CNTNAP2: variants seen among roughly 807,000 people sequenced by gnomAD.
CNTNAP2 encodes the protein contactin associated protein 2.
A neutral mutation model predicts 155.2 loss-of-function variants in CNTNAP2; 98 were observed. That is an observed-to-expected ratio of 0.63 (90% CI 0.54 to 0.75). The LOEUF is 0.75. Ranked by LOEUF, CNTNAP2 falls within the 30% of genes least tolerant of loss-of-function variation. The pLI, the probability that CNTNAP2 is intolerant of heterozygous loss-of-function variation, is 0.00. For synonymous variants in CNTNAP2, 651 were observed against 631.2 expected, an observed-to-expected ratio of 1.03 and a Z score of -0.47; for missense variants, 1,727 against 1,688.1, an observed-to-expected ratio of 1.02 and a Z score of -0.40.
At chr7:146,167,734 C>T (rs981335075) in intron 1 of CNTNAP2, among the ~76,000 whole-genome samples, 3 of 152,008 alleles carry the variant, frequency 2.0e-5, no homozygotes, top group Non-Finnish European at 4.4e-5. Context: ...TAGGGTTCTC[C>T]AGAGGAACAG....
intron 10 of CNTNAP2, among the ~76,000 whole-genome samples, chr7:147,441,799 C>A (rs2116549204): frequency 6.8e-6 from 1 of 148,144 alleles, no homozygotes; most frequent in African/African-American, 2.5e-5. Context: ...TTCTTCCAAC[C>A]AAATGTAGTC....
At chr7:146,888,604 TC>T (rs1795715868) in intron 3 of CNTNAP2, among the ~76,000 whole-genome samples, 2 of 152,078 alleles carry the variant, frequency 1.3e-5, no homozygotes, top group Non-Finnish European at 1.5e-5. Flanking sequence ...CATTTTTTTT[TC>T]ATCTTGATAA....
At chr7:147,638,856 T>A in intron 12 of CNTNAP2, 1 of 616,506 alleles carries the variant, frequency 1.6e-6, no homozygotes, top group Non-Finnish European at 3.0e-6. Flanking sequence ...TTTTTTTTTC[T>A]TTTTTTGCCT....
intron 15 of CNTNAP2, among the ~76,000 whole-genome samples, chr7:148,057,510 A>G (rs1485708525): frequency 1.3e-5 from 2 of 152,230 alleles, no homozygotes; most frequent in Non-Finnish European, 2.9e-5. Flanking sequence ...AACCTGGGTT[A>G]GAATGCGTTT....
chr7:146,400,842 A>G (rs1309449195), intron 1 of CNTNAP2, among the ~76,000 whole-genome samples: 1 of 152,212 alleles, frequency 6.6e-6, no homozygotes, highest in Non-Finnish European at 1.5e-5. Context: ...GCATCTGAAT[A>G]ACTTTGCAGG....
chr7:148,391,209 T>A (rs1799340265), intron 22 of CNTNAP2, among the ~76,000 whole-genome samples: 1 of 152,208 alleles, frequency 6.6e-6, no homozygotes, highest in Admixed American at 6.5e-5. Context: ...ATCAATAGAT[T>A]TATATAAATA....
intron 8 of CNTNAP2, among the ~76,000 whole-genome samples, chr7:147,255,071 A>G (rs915462685): frequency 6.6e-6 from 1 of 152,244 alleles, no homozygotes; most frequent in African/African-American, 2.4e-5. Flanking sequence ...CAAAGTGTGC[A>G]TAGATAATGA....
chr7:147,695,204 C>A (rs1459577880), intron 13 of CNTNAP2, among the ~76,000 whole-genome samples: 1 of 152,142 alleles, frequency 6.6e-6, no homozygotes, highest in Non-Finnish European at 1.5e-5. Context: ...GGTCTGAGAG[C>A]AGACACTGTA....
chr7:147,461,311 G>A (rs917125), intron 10 of CNTNAP2, among the ~76,000 whole-genome samples: 118,178 of 151,414 alleles, frequency 0.78, 46,465 homozygotes, highest in African/African-American at 0.88. Flanking sequence ...TTCATTGGTT[G>A]TATGAAATGC....
At chr7:148,174,957 G>A (rs896599911) in intron 18 of CNTNAP2, among the ~76,000 whole-genome samples, 1 of 151,988 alleles carries the variant, frequency 6.6e-6, no homozygotes, top group African/African-American at 2.4e-5. Flanking sequence ...CCTCCCTGTG[G>A]CCATGTGTTC....
At chr7:146,829,987 A>T (rs1455146162) in intron 2 of CNTNAP2, among the ~76,000 whole-genome samples, 1 of 151,850 alleles carries the variant, frequency 6.6e-6, no homozygotes, top group East Asian at 1.9e-4. Flanking sequence ...ATTGTTTCTT[A>T]TTGATTTGTG....
chr7:146,196,329 C>T (rs374554477), intron 1 of CNTNAP2, among the ~76,000 whole-genome samples: 9 of 152,082 alleles, frequency 5.9e-5, no homozygotes, highest in Admixed American at 1.3e-4. Context: ...CTTACACAGG[C>T]GTTAGTTCAT....
intron 11 of CNTNAP2, among the ~76,000 whole-genome samples, chr7:147,531,395 C>T (rs983160529): frequency 7.9e-5 from 12 of 152,240 alleles, no homozygotes; most frequent in African/African-American, 2.9e-4. Context: ...CATCTAGGCG[C>T]TTCCATACAT....
chr7:148,098,661 C>G (rs1210970940), intron 15 of CNTNAP2, among the ~76,000 whole-genome samples: 1 of 151,530 alleles, frequency 6.6e-6, no homozygotes, highest in Non-Finnish European at 1.5e-5. Context: ...TAAGATAGAC[C>G]CCATCTCTTT....
chr7:147,036,966 T>G (rs1296596735), intron 3 of CNTNAP2, among the ~76,000 whole-genome samples: 5 of 152,172 alleles, frequency 3.3e-5, no homozygotes, highest in African/African-American at 1.2e-4. Context: ...CTTTAGTATT[T>G]ACTAAATAAG....
chr7:146,315,606 A>T (rs989701758), intron 1 of CNTNAP2, among the ~76,000 whole-genome samples: 1 of 152,118 alleles, frequency 6.6e-6, no homozygotes, highest in Admixed American at 6.5e-5. Context: ...GAGCATCAAG[A>T]GTCTCCTCTC....
At chr7:147,253,176 ATTTCTG>A (rs1804239558) in intron 8 of CNTNAP2, among the ~76,000 whole-genome samples, 1 of 152,064 alleles carries the variant, frequency 6.6e-6, no homozygotes, top group Non-Finnish European at 1.5e-5. Context: ...ATGCTTGTAC[ATTTCTG>A]TTACGGTCCT....
chr7:146,823,386 C>G (rs1215069661), intron 2 of CNTNAP2, among the ~76,000 whole-genome samples: 1 of 134,744 alleles, frequency 7.4e-6, no homozygotes, highest in Non-Finnish European at 1.6e-5. Context: ...TAAATATACT[C>G]ATTCTTCAGT....
intron 1 of CNTNAP2, among the ~76,000 whole-genome samples, chr7:146,733,350 CATT>C (rs1398551546): frequency 6.6e-6 from 1 of 151,982 alleles, no homozygotes; most frequent in African/African-American, 2.4e-5. Flanking sequence ...GGGGATGAAG[CATT>C]ATTCTTTTCA....
Sources: gnomAD v4.1 joint callset for allele counts (sites outside exome capture counted in the v4.1 genomes callset) on GRCh38, gnomAD v4.1.1 for gene constraint, MANE v1.5 for transcripts, NCBI Gene and HGNC (gene_info 2026-07-23, HGNC 2026-07-21) for gene names.